AXL: variants seen among roughly 807,000 people sequenced by gnomAD.
AXL encodes tyrosine-protein kinase receptor UFO.
A neutral mutation model predicts 104.5 loss-of-function variants in AXL; 52 were observed. The observed-to-expected ratio is 0.50, with a 90% CI of 0.40 to 0.63. The LOEUF (loss-of-function observed/expected upper bound fraction) is 0.63. Ranked by LOEUF, AXL falls within the 20% of genes least tolerant of loss-of-function variation. The pLI, the probability that AXL is intolerant of heterozygous loss-of-function variation, is 0.00. For missense variants in AXL, 1,024 were observed against 1,188.5 expected (o/e 0.86, Z 2.04); for synonymous variants, 455 against 473.7 (o/e 0.96, Z 0.51).
chr19:41,230,562 GTGTGCC>G lies in AXL; in HGVS notation c.587-394_587-389del, dbSNP rs570883120. Among the ~76,000 whole-genome samples, 860 of 151,170 alleles carry G rather than the reference GTGTGCC, an allele frequency of 5.7e-3. 7 individuals are homozygous for G. The highest frequency in any genetic ancestry group is 0.014 in the Middle Eastern group (4 of 288). The stretch of plus-strand genomic sequence containing the variant: ...TCTGTGTGTCTGTGTGTATGAGTGT[GTGTGCC>G]TGTGCCTGTGTGTGGCTGTGTGTGT... On this transcript the variant is annotated intron_variant, in intron 4 of 19. Transcript: ENST00000301178.
At position 41,219,374 on chromosome 19, in the gene AXL, T is replaced by G; in HGVS notation, c.-19T>G. 1.3e-6 allele frequency: 2 copies of G among 1,577,200 alleles called. No homozygotes were observed. Among genetic ancestry groups the G allele is most frequent in the East Asian group, 2.3e-5 (1 of 42,802 alleles). ...CCCCCGCTGGGAGCCCAACAACTTC[T>G]GAGGAAAGTTTGGCACCCATGGCGT... On this transcript the variant is annotated 5_prime_UTR_variant, in exon 1 of 20. Coordinates refer to ENST00000301178, the MANE Select transcript of AXL (RefSeq NM_021913.5).
chr19:41,222,644 C>T (rs528668620), intron 4 of AXL, among the ~76,000 whole-genome samples: 215 of 152,288 alleles, frequency 1.4e-3, no homozygotes, highest in Non-Finnish European at 2.6e-3. Flanking sequence ...TGGTGGCTCA[C>T]GCCTGTAATC....
At chr19:41,231,086 G>T (rs1480884033) in intron 5 of AXL, 39 bp downstream of exon 5, 1 of 1,612,894 alleles carries the variant, frequency 6.2e-7, no homozygotes, top group East Asian at 2.2e-5. Context: ...GCGTCAGAGG[G>T]TGGGGTTTGG....
Position 41,259,664 on chromosome 19 carries a change from G to A in AXL, c.2445G>A (p.Glu815=), listed in dbSNP as rs776464623. The change falls in exon 20 of 20, where the codon GAG becomes GAA. Residue 815 remains glutamate, a synonymous_variant. Transcript: ENST00000301178. ...TGAAGGCCTTGCCTCCTGCCCAGGA[G>A]CCTGACGAAATCCTCTATGTCAACA... ...NTLKALPPAQ[E]PDEILYVNMD... 4.3e-6 allele frequency: 7 copies of A among 1,614,094 alleles called. No individual in the cohort carries two copies. The highest frequency in any genetic ancestry group is 5.9e-6 in the Non-Finnish European group (7 of 1,180,014).
At position 41,243,754 on chromosome 19, in the gene AXL, G is replaced by T. The variant is rs144646602; in HGVS notation, c.1537+47G>T. 351 of 1,542,214 alleles carry T rather than the reference G, an allele frequency of 2.3e-4. 1 individual carries two copies. The African/African-American group carries it at 4.1e-3, about 18-fold the overall frequency. ...CTGCCCTGGCCTGGATCTAAAGGCT[G>T]TAGAGAATCTGGCCTGCTGGGCTTC... is the stretch of plus-strand genomic sequence containing the variant. On this transcript the variant is annotated intron_variant, in intron 12 of 19. Coordinates refer to ENST00000301178, the MANE Select transcript of AXL (RefSeq NM_021913.5).
intron 1 of AXL, among the ~76,000 whole-genome samples, chr19:41,219,690 A>T (rs953229496): frequency 7.3e-6 from 1 of 137,354 alleles, no homozygotes; most frequent in African/African-American, 2.8e-5. Context: ...ACTGAAGGGC[A>T]GGGGGGACAG....
chr19:41,241,937 C>T (rs1319288486), intron 10 of AXL, among the ~76,000 whole-genome samples: 1 of 152,188 alleles, frequency 6.6e-6, no homozygotes, highest in African/African-American at 2.4e-5. Flanking sequence ...TCCTTGCACA[C>T]GCTTCATGCA....
At position 41,248,734 on chromosome 19, in the gene AXL, C is replaced by T. The variant is rs1244833549; in HGVS notation, c.1634-9C>T. ...TCTGAGGTCAGTGTCTCCCTCTGGCCCCCCACAGGAGAGTTTGGAGCTGTG... is the reference window on the plus strand; with the variant it reads ...TCTGAGGTCAGTGTCTCCCTCTGGCTCCCCACAGGAGAGTTTGGAGCTGTG... On this transcript the variant is annotated splice_polypyrimidine_tract_variant and intron_variant, in intron 13 of 19. Transcript: ENST00000301178. 9 of 1,614,072 alleles carry T rather than the reference C, an allele frequency of 5.6e-6. No individual in the cohort carries two copies. The highest frequency in any genetic ancestry group is 7.6e-6 in the Non-Finnish European group (9 of 1,180,000).
rs746561913 is a variant in AXL at position 41,252,953 on chromosome 19, G to C, written c.1912G>C (p.Gly638Arg). ...LHSFLLYSRL[G>R]DQPVYLPTQM... The stretch of plus-strand genomic sequence containing the variant: ...CAGCTTCCTCCTCTATTCCCGGCTC[G>C]GGGACCAGCCAGTGGTAAGGGGCGT... Residue 638 changes from glycine (G) to arginine (R), a missense_variant, in exon 16 of 20, where the codon GGG (glycine) becomes CGG (arginine). By Grantham distance (125) the Gly-to-Arg change is moderately radical. Transcript: ENST00000301178. 6.2e-7 allele frequency: 1 copy of C among 1,614,050 alleles called. No individual in the cohort carries two copies. Among genetic ancestry groups the C allele is most frequent in the South Asian group, 1.1e-5 (1 of 91,084 alleles).
At chr19:41,231,486 G>A (rs1054842400) in intron 6 of AXL, among the ~76,000 whole-genome samples, 188 bp downstream of exon 6, 1 of 152,184 alleles carries the variant, frequency 6.6e-6, no homozygotes, top group Non-Finnish European at 1.5e-5. Context: ...GTGACCTTGG[G>A]TAGGTGGCTT....
chr19:41,257,607 C>G lies in AXL; in HGVS notation c.2311C>G (p.Pro771Ala), dbSNP rs147769214. Residue 771 changes from proline to alanine, a missense_variant, in exon 19 of 20, where the codon CCT becomes GCT. Physicochemically the swap from Pro to Ala is conservative, Grantham distance 27 (BLOSUM62 -1). Transcript: ENST00000301178. ...GCGCCAGGGAAATCGCCTGAAGCAG[C>G]CTGCGGACTGTCTGGATGGACTGTG... The part of the protein sequence containing the change: ...YLRQGNRLKQ[P>A]ADCLDGLYAL... The G allele has an allele frequency of 2.5e-6, 4 of 1,614,074 alleles. No homozygotes were observed. The highest frequency in any genetic ancestry group is 2.2e-5 in the East Asian group (1 of 44,900).
In AXL at chr19:41,231,028, C is replaced by G; in HGVS notation, c.648C>G (p.Ser216=). 1 of 1,613,980 alleles carries G rather than the reference C, an allele frequency of 6.2e-7. No individual in the cohort carries two copies. The highest frequency in any genetic ancestry group is 1.3e-5 in the African/African-American group (1 of 75,014). The change falls in exon 5 of 20, where the codon TCC becomes TCG. Residue 216 remains serine (S), a synonymous_variant. Transcript: ENST00000301178. ...EAHNAKGVTT[S]RTATITVLPQ... ...ATAACGCCAAGGGGGTCACCACATC[C>G]CGCACAGCCACCATCACAGGTGACA...
intron 6 of AXL, among the ~76,000 whole-genome samples, chr19:41,235,369 A>AATAG (rs71175697): frequency 0.17 from 13,650 of 80,460 alleles, 714 homozygotes; most frequent in Non-Finnish European, 0.21. Flanking sequence ...TAAATAAATA[A>AATAG]ATAGATAGAT....
At chr19:41,252,500 G>T in intron 15 of AXL, 57 bp downstream of exon 15, 1 of 1,560,602 alleles carries the variant, frequency 6.4e-7, no homozygotes, top group South Asian at 1.1e-5. Flanking sequence ...ATAGCAGAGG[G>T]AAGAGCCCTG....
At position 41,244,271 on chromosome 19, in the gene AXL, A is replaced by C. The variant is rs920887961; in HGVS notation, c.1537+564A>C. Among the ~76,000 whole-genome samples the C allele has an allele frequency of 2.0e-5, 3 of 152,228 alleles. No individual in the cohort carries two copies. In the East Asian group the frequency reaches 5.8e-4, roughly 29 times the overall value. On this transcript the variant is annotated intron_variant, in intron 12 of 19. Coordinates refer to ENST00000301178, the MANE Select transcript of AXL (RefSeq NM_021913.5). Reference sequence around the variant, plus strand: ...CCTCAGAGCCATTGGATCTTAGAAGATGTAATGATGATGATAATGATGAAG... The same window carrying C: ...CCTCAGAGCCATTGGATCTTAGAAGCTGTAATGATGATGATAATGATGAAG...
At chr19:41,238,804 T>A (rs1318915330) in intron 8 of AXL, among the ~76,000 whole-genome samples, 195 bp downstream of exon 8, 1 of 152,138 alleles carries the variant, frequency 6.6e-6, no homozygotes, top group Non-Finnish European at 1.5e-5. Flanking sequence ...GGAATGGCTG[T>A]TTTTGAACCA....
intron 5 of AXL, 30 bp downstream of exon 5, chr19:41,231,077 C>G (rs763166316): frequency 1.9e-6 from 3 of 1,612,826 alleles, no homozygotes; most frequent in South Asian, 1.1e-5. Flanking sequence ...GGGAGCTGGG[C>G]GTCAGAGGGT....
chr19:41,219,241 C>A lies in AXL; in HGVS notation c.-152C>A. ...GGGTGCTGAGAAGGCGGCTGCTGGG[C>A]AGAGCCGGTGGCAAGGGCCTCCCCT... is the stretch of plus-strand genomic sequence containing the variant. On this transcript the variant is annotated 5_prime_UTR_variant, in exon 1 of 20. Coordinates refer to ENST00000301178, the MANE Select transcript of AXL (RefSeq NM_021913.5). 1 of 693,044 alleles carries A rather than the reference C, an allele frequency of 1.4e-6. No homozygotes were observed. The highest frequency in any genetic ancestry group is 2.4e-6 in the Non-Finnish European group (1 of 413,670). The allele number at this position is 693,044 out of a possible 1,614,324, so 42.9% of individuals were successfully genotyped here.
intron 1 of AXL, among the ~76,000 whole-genome samples, chr19:41,220,103 G>A (rs1434370048): frequency 1.3e-5 from 2 of 151,706 alleles, no homozygotes; most frequent in African/African-American, 4.8e-5. Flanking sequence ...CTCTGTGACT[G>A]TATCCCCCCT....
Sources: allele counts gnomAD v4.1 joint callset (sites outside exome capture counted in the v4.1 genomes callset), GRCh38; gene constraint gnomAD v4.1.1; transcripts MANE v1.5; gene names NCBI Gene and HGNC (gene_info 2026-07-23, HGNC 2026-07-21).